The following SOX5 variants were observed in gnomAD, a reference collection of about 807,000 sequenced individuals.
SOX5 encodes SRY-box transcription factor 5.
Under a neutral mutation model 92.0 loss-of-function variants are expected in SOX5, and 9 were observed. That is an observed-to-expected ratio of 0.10 (90% CI 0.06 to 0.17). SOX5 has a LOEUF of 0.17. Among genes scored for constraint, SOX5 ranks in the 10% least tolerant of loss-of-function variants. SOX5 has a pLI of 1.00. For synonymous variants in SOX5, 344 were observed against 336.3 expected, an observed-to-expected ratio of 1.02 and a Z score of -0.25; for missense variants, 642 against 944.5, an observed-to-expected ratio of 0.68 and a Z score of 4.20.
chr12:23,675,252 C>G (rs1204422013), intron 6 of SOX5, among the ~76,000 whole-genome samples: 1 of 152,112 alleles, frequency 6.6e-6, no homozygotes, highest in Admixed American at 6.5e-5. Context: ...TTTTTAATAT[C>G]TTGCCTATGT....
At chr12:23,864,053 A>G (rs1231909548) in intron 2 of SOX5, among the ~76,000 whole-genome samples, 1 of 151,234 alleles carries the variant, frequency 6.6e-6, no homozygotes, top group Non-Finnish European at 1.5e-5. Context: ...GATCATTTTT[A>G]CAGCATGTCT....
intron 4 of SOX5, among the ~76,000 whole-genome samples, chr12:24,056,435 A>T (rs1397539613): frequency 6.6e-6 from 1 of 152,240 alleles, no homozygotes; most frequent in Non-Finnish European, 1.5e-5. Flanking sequence ...TAGTTTTCAA[A>T]CATATTAATG....
At chr12:23,870,640 T>C (rs377442694) in intron 2 of SOX5, among the ~76,000 whole-genome samples, 1 of 152,158 alleles carries the variant, frequency 6.6e-6, no homozygotes, top group African/African-American at 2.4e-5. Flanking sequence ...ACAGTTCTTA[T>C]CACAATCCCA....
intron 4 of SOX5, among the ~76,000 whole-genome samples, chr12:23,752,309 C>A (rs1428003222): frequency 1.3e-5 from 2 of 151,804 alleles, no homozygotes; most frequent in East Asian, 3.9e-4. Flanking sequence ...AGAAACTGGT[C>A]TAGAATTTTT....
At chr12:24,234,669 C>T (rs1348031964) in intron 3 of SOX5, among the ~76,000 whole-genome samples, 1 of 152,178 alleles carries the variant, frequency 6.6e-6, no homozygotes, top group East Asian at 1.9e-4. Flanking sequence ...TGCTGGTGAG[C>T]CACCACGCCG....
chr12:24,476,376 T>G lies in SOX5; in HGVS notation c.-251+85953A>C, dbSNP rs373653102. Among the ~76,000 whole-genome samples, 15 of 152,306 alleles carry G rather than the reference T, an allele frequency of 9.8e-5. No homozygotes were observed. The East Asian group carries it at 1.9e-3, about 20-fold the overall frequency. On this transcript the variant is annotated intron_variant, in intron 1 of 4. Transcript: ENST00000446891. ...AGGAAAAACTGGCCCTCATCACAGATCTTTGCAAAGCGCTCATGTAGAGTA... is the reference window on the plus strand; with the variant it reads ...AGGAAAAACTGGCCCTCATCACAGAGCTTTGCAAAGCGCTCATGTAGAGTA...
chr12:24,357,397 T>A (rs1954975899), intron 2 of SOX5: 2 of 152,184 alleles, frequency 1.3e-5, no homozygotes, highest in African/African-American at 4.8e-5. Context: ...CACGCATGTA[T>A]CCTGCCTGCC....
At chr12:23,826,391 G>T (rs2096234948) in intron 3 of SOX5, among the ~76,000 whole-genome samples, 1 of 152,102 alleles carries the variant, frequency 6.6e-6, no homozygotes, top group Non-Finnish European at 1.5e-5. Flanking sequence ...AGCAACAACG[G>T]CTTGTCCTAT....
chr12:23,837,275 G>A (rs7484546), intron 3 of SOX5, among the ~76,000 whole-genome samples: 45,691 of 71,040 alleles, frequency 0.64, 12,570 homozygotes, highest in Middle Eastern at 0.71. Flanking sequence ...TATATAATAT[G>A]TATTTATATT....
intron 8 of SOX5, among the ~76,000 whole-genome samples, chr12:23,637,654 A>G (rs1057135267): frequency 6.6e-6 from 1 of 152,164 alleles, no homozygotes; most frequent in Admixed American, 6.5e-5. Flanking sequence ...CAAAAAGCAG[A>G]ATAAAGCAAA....
At position 23,602,792 on chromosome 12, in the gene SOX5, C is replaced by T. The variant is rs933465962; in HGVS notation, c.1164+1595G>A. ...CAGGTAATACATGAAAACTGCTGGT[C>T]CACAGAAACACTAAAATTATCACTA... On this transcript the variant is annotated intron_variant, in intron 9 of 14. Transcript: ENST00000451604. 5.3e-5 allele frequency among the ~76,000 whole-genome samples: 8 copies of T among 151,888 alleles called. No individual in the cohort carries two copies. In the South Asian group the frequency reaches 1.0e-3, roughly 20 times the overall value.
chr12:23,809,651 T>C (rs2095842418), intron 3 of SOX5, among the ~76,000 whole-genome samples: 1 of 151,660 alleles, frequency 6.6e-6, no homozygotes, highest in Non-Finnish European at 1.5e-5. Context: ...AATTCAATCT[T>C]GCTTAACCAA....
chr12:23,672,423 C>A (rs2084943612), intron 6 of SOX5, among the ~76,000 whole-genome samples: 1 of 152,086 alleles, frequency 6.6e-6, no homozygotes, highest in South Asian at 2.1e-4. Flanking sequence ...TCTAATTCCC[C>A]TCTTCCTCCT....
intron 4 of SOX5, among the ~76,000 whole-genome samples, chr12:24,107,437 A>G (rs966998271): frequency 6.6e-6 from 1 of 152,222 alleles, no homozygotes; most frequent in African/African-American, 2.4e-5. Context: ...AAAAAAGTGG[A>G]AGTAGAAATA....
intron 4 of SOX5, among the ~76,000 whole-genome samples, chr12:24,014,946 C>T (rs2136588048): frequency 6.6e-6 from 1 of 152,176 alleles, no homozygotes; most frequent in South Asian, 2.1e-4. Context: ...TGACCTTTGA[C>T]AACTTTGGAG....
chr12:24,126,515 A>C (rs1346546734), intron 4 of SOX5, among the ~76,000 whole-genome samples: 1 of 152,176 alleles, frequency 6.6e-6, no homozygotes, highest in Non-Finnish European at 1.5e-5. Context: ...TGTGCTGCAG[A>C]GTCTACAAAA....
At chr12:24,161,686 A>T (rs1251348614) in intron 4 of SOX5, among the ~76,000 whole-genome samples, 1 of 152,124 alleles carries the variant, frequency 6.6e-6, no homozygotes, top group East Asian at 1.9e-4. Flanking sequence ...AAAGTAGACA[A>T]TTTAAAAGTC....
intron 4 of SOX5, among the ~76,000 whole-genome samples, chr12:24,123,763 G>T (rs1292338537): frequency 6.6e-6 from 1 of 152,160 alleles, no homozygotes; most frequent in Non-Finnish European, 1.5e-5. Flanking sequence ...CCAAAACAGA[G>T]AAACAGTTAC....
At chr12:23,635,303 AC>A (rs1013878772) in intron 8 of SOX5, among the ~76,000 whole-genome samples, 2 of 152,192 alleles carry the variant, frequency 1.3e-5, no homozygotes, top group Admixed American at 6.5e-5. Flanking sequence ...ACTTCAAAAC[AC>A]CAGAGAGTCA....
Sources: allele counts gnomAD v4.1 joint callset (sites outside exome capture counted in the v4.1 genomes callset), GRCh38; gene constraint gnomAD v4.1.1; transcripts MANE v1.5; gene names NCBI Gene and HGNC (gene_info 2026-07-23, HGNC 2026-07-21).